ANO4: variants seen among roughly 807,000 people sequenced by gnomAD.
ANO4 encodes anoctamin-4.
Under a neutral mutation model 141.9 loss-of-function variants are expected in ANO4, and 69 were observed. That is an observed-to-expected ratio of 0.49 (90% CI 0.40 to 0.59). The LOEUF (loss-of-function observed/expected upper bound fraction) is 0.59, where lower values mean the gene tolerates loss of function less well. ANO4 is among the 20% of genes least tolerant of loss of function. The pLI, the probability that ANO4 is intolerant of heterozygous loss-of-function variation, is 0.00. For synonymous variants in ANO4, 350 were observed against 394.3 expected (o/e 0.89, Z 1.33); for missense variants, 894 against 1,162.2 (o/e 0.77, Z 3.36).
intron 1 of ANO4, among the ~76,000 whole-genome samples, chr12:100,889,095 T>C (rs958189732): frequency 2.0e-5 from 3 of 147,940 alleles, no homozygotes; most frequent in African/African-American, 7.5e-5. Flanking sequence ...GTGTTCTCAT[T>C]GTTCAATTCT....
At chr12:101,017,057 C>G (rs1348885840) in intron 8 of ANO4, among the ~76,000 whole-genome samples, 3 of 152,194 alleles carry the variant, frequency 2.0e-5, no homozygotes, top group African/African-American at 7.2e-5. Context: ...TTGCTTCCTT[C>G]TCTCTTTATA....
At chr12:101,048,148 C>T in intron 13 of ANO4, 193 bp from the exon 14 acceptor site, 3 of 1,040,952 alleles carry the variant, frequency 2.9e-6, no homozygotes, top group Non-Finnish European at 4.0e-6. Flanking sequence ...ATTGTATCCT[C>T]TATATATGAA....
chr12:100,878,682 A>G (rs2039429316), intron 1 of ANO4, among the ~76,000 whole-genome samples: 1 of 152,166 alleles, frequency 6.6e-6, no homozygotes, highest in African/African-American at 2.4e-5. Context: ...GCAATACTAG[A>G]ATAATCTCCC....
intron 1 of ANO4, among the ~76,000 whole-genome samples, chr12:100,722,245 C>G (rs1439050009): frequency 6.6e-6 from 1 of 152,156 alleles, no homozygotes; most frequent in Non-Finnish European, 1.5e-5. Flanking sequence ...CTAGTCCAGG[C>G]CACCATCATT....
At chr12:100,839,621 T>C (rs377144089) in intron 1 of ANO4, among the ~76,000 whole-genome samples, 5 of 152,214 alleles carry the variant, frequency 3.3e-5, no homozygotes, top group African/African-American at 4.8e-5. Context: ...ATAAATAAGG[T>C]AAAATATCCA....
intron 8 of ANO4, among the ~76,000 whole-genome samples, chr12:101,008,570 A>G (rs973150818): frequency 6.6e-6 from 1 of 152,108 alleles, no homozygotes; most frequent in Non-Finnish European, 1.5e-5. Flanking sequence ...GACTATACAA[A>G]TGCTACCCAG....
intron 2 of ANO4, among the ~76,000 whole-genome samples, chr12:100,735,560 G>A (rs191835286): frequency 3.5e-3 from 526 of 152,278 alleles, no homozygotes; most frequent in Non-Finnish European, 5.8e-3. Flanking sequence ...TGTTGTAACA[G>A]AGTTAGTGGC....
At chr12:100,989,652 T>G (rs1005425878) in intron 8 of ANO4, among the ~76,000 whole-genome samples, 7 of 146,318 alleles carry the variant, frequency 4.8e-5, no homozygotes, top group Non-Finnish European at 1.1e-4. Context: ...GATGGATGGA[T>G]GGATGGATGG....
intron 1 of ANO4, among the ~76,000 whole-genome samples, chr12:100,824,083 T>G (rs2036202241): frequency 6.6e-6 from 1 of 152,004 alleles, no homozygotes; most frequent in East Asian, 1.9e-4. Context: ...AAAATAACAC[T>G]GACATAAAAA....
chr12:100,912,726 A>G (rs2041169114), intron 2 of ANO4, among the ~76,000 whole-genome samples: 1 of 152,188 alleles, frequency 6.6e-6, no homozygotes, highest in Non-Finnish European at 1.5e-5. Flanking sequence ...TGTTCTCTTG[A>G]ACAGAACTGA....
intron 3 of ANO4, among the ~76,000 whole-genome samples, chr12:100,755,075 C>T (rs1490802397): frequency 1.3e-5 from 2 of 152,006 alleles, no homozygotes; most frequent in African/African-American, 4.8e-5. Flanking sequence ...AATGTGTGTC[C>T]TTCTATACCT....
At chr12:101,125,705 G>T (rs1437610742) in intron 26 of ANO4, among the ~76,000 whole-genome samples, 1 of 152,156 alleles carries the variant, frequency 6.6e-6, no homozygotes, top group Non-Finnish European at 1.5e-5. Context: ...TTACTGATTT[G>T]CATATGTTGA....
At position 101,116,767 on chromosome 12, in the gene ANO4, G is replaced by A. The variant is rs2050870029; in HGVS notation, c.2539G>A (p.Glu847Lys). ...ATCTGAGCCTGAATCTGATGGCAGT[G>A]AGTTCTCGGGGACTCCTCTTAAGTA... ...NRSEPESDGSEFSGTPLKYCR... is the reference protein window; with the variant it reads ...NRSEPESDGSKFSGTPLKYCR... Residue 847 changes from glutamate (E) to lysine (K), a missense_variant, in exon 25 of 28, where the codon GAG becomes AAG. Coordinates refer to ENST00000392977, the MANE Select transcript of ANO4 (RefSeq NM_001286615.2). 1.2e-6 allele frequency: 2 copies of A among 1,614,148 alleles called. No homozygotes were observed. Among genetic ancestry groups the A allele is most frequent in the East Asian group, 2.2e-5 (1 of 44,878 alleles).
chr12:101,107,350 A>G (rs2050489363), intron 22 of ANO4, among the ~76,000 whole-genome samples: 1 of 152,162 alleles, frequency 6.6e-6, no homozygotes, highest in Non-Finnish European at 1.5e-5. Context: ...TGCTGTTTCT[A>G]CTTTCATGAA....
chr12:101,102,412 G>A (rs2050226872), intron 22 of ANO4, among the ~76,000 whole-genome samples: 1 of 152,058 alleles, frequency 6.6e-6, no homozygotes, highest in Admixed American at 6.6e-5. Context: ...CATTTGGGTT[G>A]GTATGCAGCA....
chr12:100,843,362 C>T (rs1373534680), intron 1 of ANO4, among the ~76,000 whole-genome samples: 2 of 152,110 alleles, frequency 1.3e-5, no homozygotes, highest in African/African-American at 4.8e-5. Flanking sequence ...CGACATTCCC[C>T]TAACTATAAT....
In ANO4 at chr12:101,105,809, AC is replaced by A. The variant is rs1300319813; in HGVS notation, c.2150-4594del. Reference sequence around the variant, plus strand: ...GCAAAATATAAATCTGGAATTAAGAACTCATTTGATATGTTTAATAGCAGAT... The same window carrying A: ...GCAAAATATAAATCTGGAATTAAGAATCATTTGATATGTTTAATAGCAGAT... On this transcript the variant is annotated intron_variant, in intron 22 of 27. Transcript: ENST00000392977. Among the ~76,000 whole-genome samples, 155 of 152,344 alleles carry A rather than the reference AC, an allele frequency of 1.0e-3. 2 individuals are homozygous for A. The East Asian group carries it at 0.022, about 21-fold the overall frequency.
At chr12:100,846,096 G>A (rs1480607279) in intron 1 of ANO4, among the ~76,000 whole-genome samples, 2 of 152,180 alleles carry the variant, frequency 1.3e-5, no homozygotes, top group African/African-American at 4.8e-5. Context: ...TGATCTTGTA[G>A]TTATGAGGCA....
Position 101,068,602 on chromosome 12 carries a change from G to A in ANO4, c.1313-10591G>A, listed in dbSNP as rs188953664. 5.1e-5 allele frequency: 72 copies of A among 1,421,970 alleles called. No individual in the cohort carries two copies. The African/African-American group carries it at 9.3e-4, about 18-fold the overall frequency. The allele number at this position is 1,421,970 out of a possible 1,614,324, so 88.1% of individuals were successfully genotyped here. A position where few individuals can be genotyped will look rare whatever the true frequency, so the allele number is the denominator to read the frequency against. ...TCTTCAAAAGTGTGGTGAAAGTGCT[G>A]ATGCAGTCCTTTTTACTGGAGTTAA... On this transcript the variant is annotated intron_variant, in intron 14 of 27. Transcript: ENST00000392977.
Sources: gnomAD v4.1 joint callset for allele counts (sites outside exome capture counted in the v4.1 genomes callset) on GRCh38, gnomAD v4.1.1 for gene constraint, MANE v1.5 for transcripts, NCBI Gene and HGNC (gene_info 2026-07-23, HGNC 2026-07-21) for gene names.